KCNIP4: variants seen among roughly 807,000 people sequenced by gnomAD.
The protein encoded by KCNIP4 is potassium voltage-gated channel interacting protein 4, also known as Kv channel-interacting protein 4.
KCNIP4 carries 12 observed loss-of-function variants against 34.0 expected under a neutral mutation model. That is an observed-to-expected ratio of 0.35 (90% CI 0.23 to 0.57). The LOEUF (loss-of-function observed/expected upper bound fraction) is 0.57, where lower values mean the gene tolerates loss of function less well. KCNIP4 is among the 20% of genes least tolerant of loss of function. The pLI, the probability that KCNIP4 is intolerant of heterozygous loss-of-function variation, is 0.83. For synonymous variants in KCNIP4, 124 were observed against 102.2 expected (o/e 1.21, Z -1.29); for missense variants, 238 against 311.7 (o/e 0.76, Z 1.78).
At chr4:21,640,774 G>T (rs779362640) in intron 1 of KCNIP4, among the ~76,000 whole-genome samples, 1 of 152,268 alleles carries the variant, frequency 6.6e-6, no homozygotes, top group Non-Finnish European at 1.5e-5. Context: ...ACAAGAGAAG[G>T]CTCTGCAACA....
rs139479603 is a variant in KCNIP4 at position 21,756,816 on chromosome 4, G to A, written c.61+191755C>T. Among the ~76,000 whole-genome samples, 503 of 151,984 alleles carry A rather than the reference G, an allele frequency of 3.3e-3. 5 individuals carry two copies. The highest frequency in any genetic ancestry group is 3.4e-3 in the Non-Finnish European group (229 of 67,992). On this transcript the variant is annotated intron_variant, in intron 1 of 8. Transcript: ENST00000382152. ...TAAAACTCGCTTTTAGAGAAAATAG[G>A]CCAGGCGCAGTGGCTCACGCCTGTA...
chr4:21,467,516 G>A (rs16871093), intron 1 of KCNIP4, among the ~76,000 whole-genome samples: 11,263 of 152,062 alleles, frequency 0.074, 519 homozygotes, highest in East Asian at 0.14. Flanking sequence ...TAAATGAACC[G>A]GCCTCAAAAC....
intron 1 of KCNIP4, among the ~76,000 whole-genome samples, chr4:21,225,902 G>A (rs939649848): frequency 2.6e-5 from 4 of 152,060 alleles, no homozygotes; most frequent in Non-Finnish European, 5.9e-5. Context: ...AGAAATGGAT[G>A]AAACCATACT....
At chr4:21,071,563 C>T (rs1579554) in intron 1 of KCNIP4, among the ~76,000 whole-genome samples, 77,482 of 151,996 alleles carry the variant, frequency 0.51, 21,394 homozygotes, top group African/African-American at 0.74. Context: ...TTGTAGTATA[C>T]TTGGCTGTCT....
chr4:20,901,985 G>T (rs574146104), intron 1 of KCNIP4, among the ~76,000 whole-genome samples: 7 of 151,898 alleles, frequency 4.6e-5, no homozygotes, highest in South Asian at 2.1e-4. Context: ...CCTGCTTTGT[G>T]TTAGCTTTGA....
At chr4:20,740,449 C>T (rs547687792) in intron 5 of KCNIP4, among the ~76,000 whole-genome samples, 1 of 152,198 alleles carries the variant, frequency 6.6e-6, no homozygotes, top group African/African-American at 2.4e-5. Context: ...AATTTTCAAC[C>T]CAGAATTTCA....
intron 3 of KCNIP4, among the ~76,000 whole-genome samples, chr4:20,820,841 G>C (rs1301282104): frequency 6.6e-6 from 1 of 152,186 alleles, no homozygotes; most frequent in Non-Finnish European, 1.5e-5. Flanking sequence ...GGCTGCTCCA[G>C]CATGGCTCAA....
intron 1 of KCNIP4, among the ~76,000 whole-genome samples, chr4:21,585,675 T>C (rs967433243): frequency 1.3e-5 from 2 of 152,008 alleles, no homozygotes; most frequent in African/African-American, 4.8e-5. Flanking sequence ...AAAACAATTA[T>C]GCTTGAATAT....
At chr4:20,752,434 A>T (rs1753825397) in intron 4 of KCNIP4, 1 of 152,190 alleles carries the variant, frequency 6.6e-6, no homozygotes, top group African/African-American at 2.4e-5. Flanking sequence ...TACTTATTAA[A>T]ATTTCAGTAA....
At chr4:21,075,446 G>A (rs903251587) in intron 1 of KCNIP4, among the ~76,000 whole-genome samples, 18 of 152,032 alleles carry the variant, frequency 1.2e-4, no homozygotes, top group African/African-American at 4.3e-4. Flanking sequence ...TTTTATCCGA[G>A]ACTAGGATTG....
chr4:21,594,767 A>G (rs987282999), intron 1 of KCNIP4, among the ~76,000 whole-genome samples: 1 of 134,692 alleles, frequency 7.4e-6, no homozygotes, highest in Non-Finnish European at 1.6e-5. Context: ...ACTTCTGCAC[A>G]TAAGAACAAA....
chr4:21,689,782 T>C lies in KCNIP4; in HGVS notation c.61+258789A>G, dbSNP rs1236423439. On this transcript the variant is annotated intron_variant, in intron 1 of 8. Transcript: ENST00000382152. ...ATGCCAAACCTTGGCACAGTACTTC[T>C]ATGCCCACCCTGGCCACTGATTCAG... Among the ~76,000 whole-genome samples, 7 of 152,240 alleles carry C rather than the reference T, an allele frequency of 4.6e-5. No homozygotes were observed. In the East Asian group the frequency reaches 1.4e-3, roughly 29 times the overall value.
rs937015428 is a variant in KCNIP4 at position 20,792,058 on chromosome 4, GCTGA to G, written c.289-33172_289-33169del. The stretch of plus-strand genomic sequence containing the variant: ...GTTATTGATTGTTTCTCTGGAGAAG[GCTGA>G]CTAATACTACTAATAAAAATCAAGA... On this transcript the variant is annotated intron_variant, in intron 3 of 8. Coordinates refer to ENST00000382152, the MANE Select transcript of KCNIP4 (RefSeq NM_025221.6). Among the ~76,000 whole-genome samples, 9 of 152,204 alleles carry G rather than the reference GCTGA, an allele frequency of 5.9e-5. No homozygotes were observed. In the East Asian group the frequency reaches 7.7e-4, roughly 13 times the overall value.
intron 1 of KCNIP4, among the ~76,000 whole-genome samples, chr4:21,688,865 C>A (rs959235186): frequency 5.9e-5 from 9 of 151,906 alleles, no homozygotes; most frequent in African/African-American, 2.2e-4. Context: ...CTCTCATAAG[C>A]CTCTTTCTTT....
chr4:20,999,982 C>A (rs747656612), intron 1 of KCNIP4, among the ~76,000 whole-genome samples: 2 of 152,054 alleles, frequency 1.3e-5, no homozygotes, highest in Non-Finnish European at 2.9e-5. Flanking sequence ...CAGCCATTGC[C>A]AAGGAAGGGC....
chr4:21,256,165 T>A (rs960065091), intron 1 of KCNIP4, among the ~76,000 whole-genome samples: 1 of 152,052 alleles, frequency 6.6e-6, no homozygotes, highest in Admixed American at 6.6e-5. Flanking sequence ...TCCTAAATGA[T>A]GACAAGAAGA....
At chr4:20,851,296 T>C (rs1391949438) in intron 2 of KCNIP4, among the ~76,000 whole-genome samples, 1 of 152,218 alleles carries the variant, frequency 6.6e-6, no homozygotes, top group Non-Finnish European at 1.5e-5. Flanking sequence ...TGGTTTTCTG[T>C]TCCTGCATTA....
chr4:21,412,586 T>C (rs533905762), intron 1 of KCNIP4, among the ~76,000 whole-genome samples: 1 of 152,244 alleles, frequency 6.6e-6, no homozygotes, highest in African/African-American at 2.4e-5. Flanking sequence ...TGGCAATCAA[T>C]TGCTTTTATA....
intron 1 of KCNIP4, among the ~76,000 whole-genome samples, chr4:21,132,417 C>G (rs185480634): frequency 2.6e-5 from 4 of 152,324 alleles, no homozygotes; most frequent in Non-Finnish European, 5.9e-5. Flanking sequence ...CTCTTGGATA[C>G]TGGATCCAGA....
Sources: gnomAD v4.1 joint callset for allele counts (sites outside exome capture counted in the v4.1 genomes callset) on GRCh38, gnomAD v4.1.1 for gene constraint, MANE v1.5 for transcripts, NCBI Gene and HGNC (gene_info 2026-07-23, HGNC 2026-07-21) for gene names.